The following GABRB1 variants were observed in gnomAD, a reference collection of about 807,000 sequenced individuals.
GABRB1 encodes gamma-aminobutyric acid type A receptor subunit beta1.
GABRB1 carries 17 observed loss-of-function variants against 51.6 expected under a neutral mutation model. The observed-to-expected ratio is 0.33, with a 90% CI of 0.23 to 0.49. GABRB1 has a LOEUF of 0.49. Among genes scored for constraint, GABRB1 ranks in the 20% least tolerant of loss-of-function variants. GABRB1 has a pLI of 0.99. For missense variants in GABRB1, 410 were observed against 600.6 expected, an observed-to-expected ratio of 0.68 and a Z score of 3.32; for synonymous variants, 247 against 218.9, an observed-to-expected ratio of 1.13 and a Z score of -1.14.
Position 47,035,427 on chromosome 4 carries a change from C to T in GABRB1, c.240+2943C>T, listed in dbSNP as rs538446570. 2.0e-5 allele frequency among the ~76,000 whole-genome samples: 3 copies of T among 152,160 alleles called. No homozygotes were observed. In the South Asian group the frequency reaches 6.2e-4, roughly 32 times the overall value. ...GAAGAATAATGCCGATGTAGATAAA[C>T]ATATCTACTTGAGAACAAGACTTTT... On this transcript the variant is annotated intron_variant, in intron 3 of 8. Coordinates refer to ENST00000295454, the MANE Select transcript of GABRB1 (RefSeq NM_000812.4).
intron 5 of GABRB1, among the ~76,000 whole-genome samples, chr4:47,333,264 C>A: frequency 1.5e-5 from 2 of 134,532 alleles, no homozygotes; most frequent in Non-Finnish European, 1.6e-5. Context: ...TGAATGTGAC[C>A]AATAAACATT....
At chr4:47,083,224 A>G (rs1441784755) in intron 3 of GABRB1, among the ~76,000 whole-genome samples, 1 of 151,876 alleles carries the variant, frequency 6.6e-6, no homozygotes, top group Non-Finnish European at 1.5e-5. Context: ...ATGACTTGAA[A>G]CTCAAGCCTT....
intron 8 of GABRB1, among the ~76,000 whole-genome samples, chr4:47,413,142 T>C (rs2110061224): frequency 6.6e-6 from 1 of 152,378 alleles, no homozygotes; most frequent in South Asian, 2.1e-4. Context: ...TTTTTCAGAC[T>C]GCTCTTTGTT....
At chr4:47,356,000 C>T (rs917018595) in intron 5 of GABRB1, among the ~76,000 whole-genome samples, 2 of 152,186 alleles carry the variant, frequency 1.3e-5, no homozygotes, top group Non-Finnish European at 1.5e-5. Context: ...AGCAACCAGG[C>T]TTAATGCATA....
intron 5 of GABRB1, among the ~76,000 whole-genome samples, chr4:47,370,070 T>C (rs1358558648): frequency 6.6e-6 from 1 of 152,058 alleles, no homozygotes; most frequent in African/African-American, 2.4e-5. Context: ...TCCTATACTA[T>C]AAGAAACAGA....
chr4:47,374,686 A>C (rs1312171428), intron 5 of GABRB1, among the ~76,000 whole-genome samples: 2 of 152,212 alleles, frequency 1.3e-5, no homozygotes, highest in East Asian at 3.8e-4. Flanking sequence ...ACTAAGAGTA[A>C]TAAAAGTGAT....
Position 47,406,865 on chromosome 4 carries a change from G to A in GABRB1, c.1019G>A (p.Gly340Glu), listed in dbSNP as rs751229590. ...TTTGGGAAAGGCCCTCAGAAAAAGGGAGCTAGCAAACAAGACCAGAGTGCC... is the reference window on the plus strand; with the variant it reads ...TTTGGGAAAGGCCCTCAGAAAAAGGAAGCTAGCAAACAAGACCAGAGTGCC... The part of the protein sequence containing the change: ...IFFGKGPQKK[G>E]ASKQDQSANE... The change falls in exon 8 of 9, where the codon GGA (glycine) becomes GAA (glutamate). Residue 340 changes from glycine (G) to glutamate (E), a missense_variant. Transcript: ENST00000295454. The A allele has an allele frequency of 6.2e-7, 1 of 1,614,008 alleles. No individual in the cohort carries two copies. Among genetic ancestry groups the A allele is most frequent in the Non-Finnish European group, 8.5e-7 (1 of 1,180,006 alleles).
At chr4:47,107,536 C>A (rs1172578390) in intron 3 of GABRB1, among the ~76,000 whole-genome samples, 1 of 152,066 alleles carries the variant, frequency 6.6e-6, no homozygotes, top group Non-Finnish European at 1.5e-5. Flanking sequence ...AATTCTGCTA[C>A]TTTCTATATG....
At chr4:47,083,068 G>A (rs1727916699) in intron 3 of GABRB1, among the ~76,000 whole-genome samples, 1 of 152,098 alleles carries the variant, frequency 6.6e-6, no homozygotes, top group Admixed American at 6.6e-5. Context: ...TTGATTGTAT[G>A]TTTTTACAAA....
At chr4:47,134,365 A>T (rs1716550139) in intron 3 of GABRB1, among the ~76,000 whole-genome samples, 1 of 152,200 alleles carries the variant, frequency 6.6e-6, no homozygotes, top group Admixed American at 6.5e-5. Context: ...AAAGGTAAAT[A>T]ATCCACCCAT....
Position 47,052,468 on chromosome 4 carries a change from T to C in GABRB1, c.240+19984T>C, listed in dbSNP as rs186239706. ...GGAGAGGTAATTCAGTTCCCATACA[T>C]ACCACATGCGCAATTACTTACAAGC... On this transcript the variant is annotated intron_variant, in intron 3 of 8. Transcript: ENST00000295454. 4.3e-4 allele frequency among the ~76,000 whole-genome samples: 65 copies of C among 152,318 alleles called. No homozygotes were observed. In the East Asian group the frequency reaches 7.5e-3, roughly 18 times the overall value.
chr4:47,096,511 T>C (rs1346455184), intron 3 of GABRB1, among the ~76,000 whole-genome samples: 1 of 152,184 alleles, frequency 6.6e-6, no homozygotes, highest in Non-Finnish European at 1.5e-5. Context: ...TGCAGAGATG[T>C]TCATGCCCTA....
chr4:47,072,126 GA>G (rs1270698530), intron 3 of GABRB1, among the ~76,000 whole-genome samples: 3 of 151,420 alleles, frequency 2.0e-5, no homozygotes, highest in Non-Finnish European at 4.4e-5. Flanking sequence ...TTCCTGGCTT[GA>G]AAAAGTTTCA....
intron 4 of GABRB1, among the ~76,000 whole-genome samples, chr4:47,282,361 T>C (rs1389314234): frequency 3.3e-5 from 5 of 152,178 alleles, no homozygotes; most frequent in Non-Finnish European, 5.9e-5. Context: ...CTCCCACCCC[T>C]ACCAACCTGG....
At chr4:47,258,130 T>A (rs1722288827) in intron 4 of GABRB1, among the ~76,000 whole-genome samples, 3 of 152,166 alleles carry the variant, frequency 2.0e-5, no homozygotes, top group Admixed American at 6.6e-5. Flanking sequence ...AATAACTCAT[T>A]TTCTTGCAGT....
upstream of GABRB1, chr4:47,031,313 A>T (rs1032308377): frequency 3.4e-6 from 1 of 291,354 alleles, no homozygotes; most frequent in Non-Finnish European, 6.5e-6. Context: ...CAGTAAAAAA[A>T]ACAAAATCAG....
chr4:47,030,851 T>G (rs1404024297), upstream of GABRB1, among the ~76,000 whole-genome samples: 3 of 152,012 alleles, frequency 2.0e-5, no homozygotes, highest in East Asian at 1.9e-4. Context: ...GGGCTTGCAG[T>G]GGATGGCCCT....
chr4:47,337,101 C>G (rs1725727252), intron 5 of GABRB1, among the ~76,000 whole-genome samples: 1 of 151,990 alleles, frequency 6.6e-6, no homozygotes, highest in Non-Finnish European at 1.5e-5. Flanking sequence ...ACATAAGATT[C>G]AAATTTAGGA....
chr4:47,213,086 G>T (rs1720426470), intron 4 of GABRB1, among the ~76,000 whole-genome samples: 1 of 152,056 alleles, frequency 6.6e-6, no homozygotes. Context: ...ATTACTTCTG[G>T]AATATATCAC....
Sources: gnomAD v4.1 joint callset for allele counts (sites outside exome capture counted in the v4.1 genomes callset) on GRCh38, gnomAD v4.1.1 for gene constraint, MANE v1.5 for transcripts, NCBI Gene and HGNC (gene_info 2026-07-23, HGNC 2026-07-21) for gene names.